The following STXBP5 variants were observed in gnomAD, a reference collection of about 807,000 sequenced individuals.
STXBP5 encodes syntaxin binding protein 5, also known as syntaxin-binding protein 5.
In STXBP5, 50 loss-of-function variants were observed where a neutral mutation model predicts 152.4. That is an observed-to-expected ratio of 0.33 (90% CI 0.26 to 0.42). STXBP5 has a LOEUF of 0.42. Among genes scored for constraint, STXBP5 ranks in the 10% least tolerant of loss-of-function variants. The pLI is 1.00. For synonymous variants in STXBP5, 492 were observed against 494.7 expected, an observed-to-expected ratio of 0.99 and a Z score of 0.07; for missense variants, 1,167 against 1,388.6, an observed-to-expected ratio of 0.84 and a Z score of 2.54.
intron 2 of STXBP5, among the ~76,000 whole-genome samples, chr6:147,210,570 T>C (rs1369457204): frequency 6.6e-6 from 1 of 152,176 alleles, no homozygotes; most frequent in African/African-American, 2.4e-5. Context: ...GGATATTTAA[T>C]ATCCCCGTCT....
intron 8 of STXBP5, among the ~76,000 whole-genome samples, chr6:147,290,600 G>A (rs1469717631): frequency 6.6e-6 from 1 of 152,122 alleles, no homozygotes; most frequent in Admixed American, 6.5e-5. Context: ...ATTTTATAGA[G>A]GTTGGTGTAT....
At chr6:147,255,058 G>A (rs1435551604) in intron 4 of STXBP5, among the ~76,000 whole-genome samples, 2 of 152,168 alleles carry the variant, frequency 1.3e-5, no homozygotes, top group Non-Finnish European at 2.9e-5. Flanking sequence ...TAAAGACGTG[G>A]AACCAACCCA....
chr6:147,210,512 G>A (rs1316885640), intron 2 of STXBP5, among the ~76,000 whole-genome samples: 5 of 152,060 alleles, frequency 3.3e-5, no homozygotes, highest in African/African-American at 4.8e-5. Flanking sequence ...TCTCAAAGTG[G>A]TAGCTTTTTG....
At chr6:147,208,876 AATAC>A (rs1776707000) in intron 2 of STXBP5, among the ~76,000 whole-genome samples, 1 of 152,142 alleles carries the variant, frequency 6.6e-6, no homozygotes, top group Admixed American at 6.5e-5. Flanking sequence ...ATCCTTTAAT[AATAC>A]ATAACAAATT....
intron 18 of STXBP5, among the ~76,000 whole-genome samples, chr6:147,329,029 A>G (rs968827672): frequency 2.6e-5 from 4 of 152,022 alleles, no homozygotes; most frequent in Non-Finnish European, 5.9e-5. Flanking sequence ...TAGAGAAGAA[A>G]TATTTTTTGA....
rs142118302 is a variant in STXBP5, at chr6:147,247,124, A to G, written c.431+7854A>G. 3.5e-3 allele frequency among the ~76,000 whole-genome samples: 539 copies of G among 152,346 alleles called. 2 individuals are homozygous for G. Among genetic ancestry groups the G allele is most frequent in the African/African-American group, 0.012 (509 of 41,576 alleles). ...GTGTTTGGCTGAGTACCAGACCCCA[A>G]AATATCTATACAGGTCTTAAGATTT... On this transcript the variant is annotated intron_variant, in intron 4 of 27. Coordinates refer to ENST00000321680, the MANE Select transcript of STXBP5 (RefSeq NM_001127715.4).
At chr6:147,230,519 G>A (rs977466463) in intron 2 of STXBP5, among the ~76,000 whole-genome samples, 14 of 151,852 alleles carry the variant, frequency 9.2e-5, no homozygotes, top group Non-Finnish European at 4.4e-5. Flanking sequence ...TAGTTTTATA[G>A]AATTAGACCA....
chr6:147,339,139 G>T, intron 19 of STXBP5, 40 bp from the exon 20 acceptor site: 1 of 1,494,314 alleles, frequency 6.7e-7, no homozygotes. Flanking sequence ...ATTTATGACT[G>T]ACCATCTACC....
At chr6:147,247,159 T>C (rs1372167569) in intron 4 of STXBP5, among the ~76,000 whole-genome samples, 3 of 152,236 alleles carry the variant, frequency 2.0e-5, no homozygotes, top group Admixed American at 6.5e-5. Flanking sequence ...TTGAATTAAC[T>C]AATTGCACAT....
At chr6:147,309,930 C>A (rs1190485199) in intron 9 of STXBP5, among the ~76,000 whole-genome samples, 154 bp from the exon 10 acceptor site, 1 of 151,634 alleles carries the variant, frequency 6.6e-6, no homozygotes, top group Non-Finnish European at 1.5e-5. Flanking sequence ...TTAACTAATC[C>A]AATTAAAAAT....
chr6:147,230,768 C>T (rs1777962067), intron 2 of STXBP5, among the ~76,000 whole-genome samples: 1 of 151,862 alleles, frequency 6.6e-6, no homozygotes, highest in South Asian at 2.1e-4. Context: ...ATCTCAGCTT[C>T]TTTACTAACT....
intron 15 of STXBP5, 145 bp from the exon 16 acceptor site, chr6:147,316,084 T>A: frequency 1.2e-6 from 1 of 811,334 alleles, no homozygotes; most frequent in Non-Finnish European, 1.9e-6. Context: ...TAAATCCTTA[T>A]TTTTTGAAAT....
intron 25 of STXBP5, among the ~76,000 whole-genome samples, chr6:147,369,641 CAT>C (rs1279217797): frequency 1.3e-5 from 2 of 151,874 alleles, no homozygotes; most frequent in East Asian, 1.9e-4. Context: ...CCAATAAAAA[CAT>C]AGACAAAATA....
chr6:147,287,295 C>T (rs968104278), intron 8 of STXBP5, among the ~76,000 whole-genome samples: 59 of 147,614 alleles, frequency 4.0e-4, no homozygotes, highest in Admixed American at 1.3e-3. Context: ...CTCCGCCTCC[C>T]GGGTTCATGC....
intron 2 of STXBP5, among the ~76,000 whole-genome samples, chr6:147,209,431 T>C (rs1300065820): frequency 6.6e-6 from 1 of 152,110 alleles, no homozygotes; most frequent in Non-Finnish European, 1.5e-5. Context: ...CAGACAACAT[T>C]AGATTATAAA....
intron 18 of STXBP5, among the ~76,000 whole-genome samples, chr6:147,330,984 A>G (rs890369418): frequency 6.6e-6 from 1 of 152,234 alleles, no homozygotes; most frequent in African/African-American, 2.4e-5. Context: ...TTTGGCTGAA[A>G]AAGCCTGAAC....
At chr6:147,366,605 C>T (rs1785301522) in intron 25 of STXBP5, among the ~76,000 whole-genome samples, 1 of 152,166 alleles carries the variant, frequency 6.6e-6, no homozygotes, top group Admixed American at 6.5e-5. Context: ...ATTACCTCCT[C>T]TTCTGGGTGT....
rs764918117 is a variant in STXBP5 at position 147,359,254 on chromosome 6, G to T, written c.2476G>T (p.Val826Phe). 1 of 1,613,982 alleles carries T rather than the reference G, an allele frequency of 6.2e-7. No individual in the cohort carries two copies. Among genetic ancestry groups the T allele is most frequent in the South Asian group, 1.1e-5 (1 of 91,084 alleles). ...TGGAACAACGCTAGGAACAGTGCTT[G>T]TCATTGCACTGAACCTTCCCCCAGG... is the stretch of plus-strand genomic sequence containing the variant. ...WVGTTLGTVL[V>F]IALNLPPGGE... is the part of the protein sequence containing the mutation. The change falls in exon 23 of 28, where the codon GTC (valine) becomes TTC (phenylalanine). Residue 826 changes from valine (V) to phenylalanine (F), a missense_variant. Physicochemically the swap from Val to Phe is conservative, Grantham distance 50 (BLOSUM62 -1). Transcript: ENST00000321680.
chr6:147,332,701 G>A (rs970347060), intron 18 of STXBP5, among the ~76,000 whole-genome samples: 1 of 152,134 alleles, frequency 6.6e-6, no homozygotes, highest in Non-Finnish European at 1.5e-5. Flanking sequence ...AGTAGGGTTG[G>A]ACTTTGACTT....
Sources: gnomAD v4.1 joint callset for allele counts (sites outside exome capture counted in the v4.1 genomes callset) on GRCh38, gnomAD v4.1.1 for gene constraint, MANE v1.5 for transcripts, NCBI Gene and HGNC (gene_info 2026-07-23, HGNC 2026-07-21) for gene names.